GOSR2: variants seen among roughly 807,000 people sequenced by gnomAD.
The protein encoded by GOSR2 is golgi SNAP receptor complex member 2.
Under a neutral mutation model 27.9 loss-of-function variants are expected in GOSR2, and 20 were observed. The ratio of observed to expected loss-of-function variants is 0.72; its 90% CI spans 0.50 to 1.04. The LOEUF is 1.04. Ranked by LOEUF, GOSR2 falls within the 50% of genes least tolerant of loss-of-function variation. The pLI is 0.00. For synonymous variants in GOSR2, 91 were observed against 98.8 expected, an observed-to-expected ratio of 0.92 and a Z score of 0.47; for missense variants, 261 against 270.5, an observed-to-expected ratio of 0.97 and a Z score of 0.25.
intron 6 of GOSR2, among the ~76,000 whole-genome samples, chr17:46,958,640 A>T (rs780692073): frequency 1.3e-5 from 2 of 152,236 alleles, no homozygotes; most frequent in Non-Finnish European, 2.9e-5. Flanking sequence ...GGAGGGGGCC[A>T]TCAGGGCATC....
chr17:46,939,532 C>T lies in GOSR2; in HGVS notation c.*772C>T. 1.0e-6 allele frequency: 1 copy of T among 985,708 alleles called. No homozygotes were observed. The highest frequency in any genetic ancestry group is 1.2e-6 in the Non-Finnish European group (1 of 830,118). The allele number at this position is 985,708 out of a possible 1,614,324, so 61.1% of individuals were successfully genotyped here. On this transcript the variant is annotated 3_prime_UTR_variant, in exon 6 of 6. Transcript: ENST00000640051. ...GAGACTGTGGCTTGGCACCTGCGCCCAGGCTTTGTGGGCCTTTGCCCCTTA... is the reference window on the plus strand; with the variant it reads ...GAGACTGTGGCTTGGCACCTGCGCCTAGGCTTTGTGGGCCTTTGCCCCTTA...
intron 6 of GOSR2, among the ~76,000 whole-genome samples, chr17:46,962,328 CAA>C (rs3048523): frequency 2.9e-5 from 4 of 139,346 alleles, no homozygotes; most frequent in Admixed American, 7.2e-5. Context: ...GACTCCATCT[CAA>C]AAAAAAAAAA....
At chr17:46,932,539 C>T (rs1235524467) in intron 4 of GOSR2, 4 of 529,536 alleles carry the variant, frequency 7.6e-6, no homozygotes, top group African/African-American at 1.9e-5. Flanking sequence ...AGAACTTAGG[C>T]CATTTGTAGA....
chr17:46,973,938 G>C (rs1391084502), intron 6 of GOSR2, among the ~76,000 whole-genome samples: 1 of 152,288 alleles, frequency 6.6e-6, no homozygotes, highest in South Asian at 2.1e-4. Context: ...AAAGCTCAAG[G>C]CTTCTTTCCA....
downstream of GOSR2, among the ~76,000 whole-genome samples, chr17:46,945,251 G>A (rs1304858118): frequency 6.6e-5 from 10 of 152,158 alleles, no homozygotes; most frequent in Non-Finnish European, 1.0e-4. Flanking sequence ...CATCCTCCAC[G>A]CACTGTCCTC....
At chr17:46,926,387 G>A (rs2086502102) in intron 1 of GOSR2, among the ~76,000 whole-genome samples, 1 of 152,114 alleles carries the variant, frequency 6.6e-6, no homozygotes, top group Admixed American at 6.5e-5. Flanking sequence ...GGGGCGGTGA[G>A]TAGTTTCATG....
chr17:46,935,200 G>T, intron 5 of GOSR2, 31 bp downstream of exon 5: 1 of 1,612,900 alleles, frequency 6.2e-7, no homozygotes, highest in Non-Finnish European at 8.5e-7. Context: ...CAGAGAGAAG[G>T]CCTCTTGTTT....
At chr17:46,965,811 T>TTG (rs2091292236) in intron 6 of GOSR2, among the ~76,000 whole-genome samples, 1 of 150,558 alleles carries the variant, frequency 6.6e-6, no homozygotes, top group African/African-American at 2.4e-5. Context: ...TTTTTTTTTT[T>TTG]GTAGAGGCGG....
chr17:46,929,106 G>A (rs1188303592), intron 1 of GOSR2, among the ~76,000 whole-genome samples: 1 of 152,112 alleles, frequency 6.6e-6, no homozygotes, highest in African/African-American at 2.4e-5. Context: ...ACTCTTCCTG[G>A]TACAGGCCAG....
At chr17:46,955,578 G>GA (rs1320264066) in intron 6 of GOSR2, 1 of 152,088 alleles carries the variant, frequency 6.6e-6, no homozygotes, top group Non-Finnish European at 1.5e-5. Flanking sequence ...ACTTATTAAG[G>GA]AAAAACTCAT....
chr17:46,956,118 C>T (rs1003589998), intron 6 of GOSR2, among the ~76,000 whole-genome samples: 2 of 152,024 alleles, frequency 1.3e-5, no homozygotes, highest in Non-Finnish European at 2.9e-5. Context: ...CAGGAGGGTC[C>T]ATCTTAACCT....
chr17:46,923,806 T>C, intron 1 of GOSR2: 1 of 403,088 alleles, frequency 2.5e-6, no homozygotes, highest in Non-Finnish European at 4.3e-6. Context: ...ATAACTTAAA[T>C]TCCTTGGTAG....
intron 6 of GOSR2, among the ~76,000 whole-genome samples, chr17:46,954,508 G>A (rs893072971): frequency 1.3e-4 from 20 of 152,076 alleles, no homozygotes; most frequent in African/African-American, 4.3e-4. Context: ...TGGCAATGCA[G>A]GCTCTTTTTT....
At chr17:46,933,214 C>T (rs138614374) in intron 4 of GOSR2, 7 of 152,356 alleles carry the variant, frequency 4.6e-5, no homozygotes, top group African/African-American at 1.4e-4. Flanking sequence ...GCCAGCCTGG[C>T]GTGATGCTGT....
At position 46,941,124 on chromosome 17, in the gene GOSR2, A is replaced by G. The variant is rs1029401139; in HGVS notation, c.*2364A>G. The G allele has an allele frequency of 9.8e-7, 1 of 1,023,416 alleles. No individual in the cohort carries two copies. Among genetic ancestry groups the G allele is most frequent in the Non-Finnish European group, 1.2e-6 (1 of 851,248 alleles). 63.4% of individuals were successfully genotyped at this position (1,023,416 alleles called of 1,614,324 possible). On this transcript the variant is annotated 3_prime_UTR_variant, in exon 6 of 6. Coordinates refer to ENST00000640051, the MANE Select transcript of GOSR2 (RefSeq NM_004287.5). ...GTGATTTAAAACAGGTGGGTTATCAAGAGGAACTTGAGATCTCTTTATTAC... is the reference window on the plus strand; with the variant it reads ...GTGATTTAAAACAGGTGGGTTATCAGGAGGAACTTGAGATCTCTTTATTAC...
At chr17:46,930,860 CT>C (rs1320034787) in intron 2 of GOSR2, 2 of 463,440 alleles carry the variant, frequency 4.3e-6, no homozygotes, top group Non-Finnish European at 7.7e-6. Context: ...TTACCTTCAG[CT>C]TTTTTAAAAA....
downstream of GOSR2, among the ~76,000 whole-genome samples, chr17:46,969,859 G>A (rs2091372937): frequency 6.6e-6 from 1 of 152,104 alleles, no homozygotes; most frequent in African/African-American, 2.4e-5. Flanking sequence ...TACCTTTCGC[G>A]ATCCCCTTGC....
Position 46,939,175 on chromosome 17 carries a change from A to C in GOSR2, c.*415A>C. 1 of 1,094,830 alleles carries C rather than the reference A, an allele frequency of 9.1e-7. No individual in the cohort carries two copies. Among genetic ancestry groups the C allele is most frequent in the Non-Finnish European group, 1.1e-6 (1 of 891,788 alleles). 67.8% of individuals were successfully genotyped at this position (1,094,830 alleles called of 1,614,324 possible). The stretch of plus-strand genomic sequence containing the variant: ...TCTGGCTCCTGATAGGGTGGAGCAA[A>C]AGTGGAAAGGAAAGGAAAGAGGCCT... On this transcript the variant is annotated 3_prime_UTR_variant, in exon 6 of 6. Coordinates refer to ENST00000640051, the MANE Select transcript of GOSR2 (RefSeq NM_004287.5).
At chr17:46,947,289 C>T (rs1301600113) in intron 6 of GOSR2, among the ~76,000 whole-genome samples, 4 of 152,122 alleles carry the variant, frequency 2.6e-5, no homozygotes, top group Non-Finnish European at 4.4e-5. Context: ...AGAGAGAGGT[C>T]GTGGTGGGCT....
Sources: gnomAD v4.1 joint callset for allele counts (sites outside exome capture counted in the v4.1 genomes callset) on GRCh38, gnomAD v4.1.1 for gene constraint, MANE v1.5 for transcripts, NCBI Gene and HGNC (gene_info 2026-07-23, HGNC 2026-07-21) for gene names.